MYO7A: variants seen among roughly 807,000 people sequenced by gnomAD.
The protein encoded by MYO7A is myosin VIIA.
In MYO7A, 210 loss-of-function variants were observed where a neutral mutation model predicts 263.8. The observed-to-expected ratio is 0.80, with a 90% CI of 0.71 to 0.89. MYO7A has a LOEUF of 0.89. Among genes scored for constraint, MYO7A ranks in the 40% least tolerant of loss-of-function variants. The pLI, the probability that MYO7A is intolerant of heterozygous loss-of-function variation, is 0.00. For missense variants in MYO7A, 2,820 were observed against 2,968.3 expected, an observed-to-expected ratio of 0.95 and a Z score of 1.16; for synonymous variants, 1,239 against 1,197.3, an observed-to-expected ratio of 1.03 and a Z score of -0.72.
intron 14 of MYO7A, 58 bp from the exon 15 acceptor site, chr11:77,165,998 G>C: frequency 7.8e-7 from 1 of 1,279,372 alleles, no homozygotes; most frequent in Non-Finnish European, 1.1e-6. Flanking sequence ...CAGATGTTAT[G>C]GGTTTGGGGA....
In MYO7A at chr11:77,199,671, A is replaced by G. The variant is rs1217590794; in HGVS notation, c.4705A>G (p.Ser1569Gly). The change falls in exon 35 of 49, where the codon AGC (serine) becomes GGC (glycine). Residue 1569 changes from serine (S) to glycine (G), a missense_variant. Coordinates refer to ENST00000409709, the MANE Select transcript of MYO7A (RefSeq NM_000260.4). ...CAGGGGAGCGAAAACGACGGCCCCC[A>G]GCTTCACGCTGGCCACCATCAAGGG... ...SCRGAKTTAP[S>G]FTLATIKGDE... The G allele has an allele frequency of 1.2e-6, 2 of 1,613,192 alleles. No homozygotes were observed. Among genetic ancestry groups the G allele is most frequent in the East Asian group, 4.5e-5 (2 of 44,882 alleles).
chr11:77,185,694 G>C (rs577790401), intron 27 of MYO7A, among the ~76,000 whole-genome samples: 2 of 152,220 alleles, frequency 1.3e-5, no homozygotes, highest in Admixed American at 1.3e-4. Context: ...CTCCTTCTAC[G>C]AATCATGAAT....
At chr11:77,206,704 G>T (rs1957465798) in intron 41 of MYO7A, among the ~76,000 whole-genome samples, 1 of 152,142 alleles carries the variant, frequency 6.6e-6, no homozygotes, top group Non-Finnish European at 1.5e-5. Flanking sequence ...TGCCCCTCAT[G>T]GTCCCCAGCC....
chr11:77,164,209 G>T (rs555438747), intron 14 of MYO7A, among the ~76,000 whole-genome samples: 2 of 152,102 alleles, frequency 1.3e-5, no homozygotes, highest in Admixed American at 1.3e-4. Context: ...GAATTCTTAA[G>T]GGTTTGTCAA....
chr11:77,189,688 T>C (rs1360993580), intron 28 of MYO7A, among the ~76,000 whole-genome samples: 2 of 152,036 alleles, frequency 1.3e-5, no homozygotes, highest in Non-Finnish European at 2.9e-5. Context: ...GGGGGCTGAG[T>C]CTGACAGGAG....
chr11:77,201,674 G>A (rs1957073777), intron 36 of MYO7A, 36 bp downstream of exon 36: 5 of 1,597,982 alleles, frequency 3.1e-6, no homozygotes, highest in Non-Finnish European at 3.4e-6. Context: ...GGTGGGAGGT[G>A]CCATTAGACC....
intron 30 of MYO7A, among the ~76,000 whole-genome samples, chr11:77,191,645 G>C: frequency 6.6e-6 from 1 of 152,158 alleles, no homozygotes; most frequent in Non-Finnish European, 1.5e-5. Context: ...GCGGGACCTG[G>C]GGCTTGGGTG....
chr11:77,160,415 G>A (rs1952887869), intron 11 of MYO7A, 133 bp downstream of exon 11: 1 of 1,332,812 alleles, frequency 7.5e-7, no homozygotes, highest in Non-Finnish European at 1.0e-6. Flanking sequence ...CGGGGCTGCA[G>A]TCGGCCTTCC....
chr11:77,198,420 TG>T, intron 33 of MYO7A, 74 bp from the exon 34 acceptor site: 1 of 1,572,684 alleles, frequency 6.4e-7, no homozygotes, highest in South Asian at 1.1e-5. Context: ...GCCACCTGCC[TG>T]GCCGTTATGA....
At chr11:77,133,562 C>A (rs1025280108) in intron 2 of MYO7A, among the ~76,000 whole-genome samples, 16 of 152,192 alleles carry the variant, frequency 1.1e-4, no homozygotes, top group African/African-American at 3.6e-4. Flanking sequence ...GCATGGAATA[C>A]TATTTGCATG....
chr11:77,166,592 A>G (rs1278979987), intron 15 of MYO7A, among the ~76,000 whole-genome samples: 3 of 152,202 alleles, frequency 2.0e-5, no homozygotes, highest in African/African-American at 4.8e-5. Context: ...CAGTGGGAGA[A>G]CAGCCCCCTC....
chr11:77,199,443 C>A, intron 34 of MYO7A, 92 bp from the exon 35 acceptor site: 1 of 1,347,366 alleles, frequency 7.4e-7, no homozygotes. Flanking sequence ...CTGGCCAGGC[C>A]AGCTCTGACT....
In MYO7A at chr11:77,211,818, T is replaced by A; in HGVS notation, c.6238-3T>A. The A allele has an allele frequency of 6.2e-7, 1 of 1,612,952 alleles. No individual in the cohort carries two copies. ...CCCAGCCCTGACCGCCCTGTCCCCA[T>A]AGTCCATCGTCGCCTACTTCAACAA... On this transcript the variant is annotated splice_polypyrimidine_tract_variant and splice_region_variant and intron_variant, in intron 45 of 48. Coordinates refer to ENST00000409709, the MANE Select transcript of MYO7A (RefSeq NM_000260.4).
chr11:77,152,435 A>G (rs1952052950), intron 4 of MYO7A, among the ~76,000 whole-genome samples: 1 of 152,220 alleles, frequency 6.6e-6, no homozygotes, highest in Non-Finnish European at 1.5e-5. Context: ...CACAGGGGAC[A>G]ACAGCCTGGC....
Position 77,183,090 on chromosome 11 carries a change from A to C in MYO7A, c.3308A>C (p.Lys1103Thr). The C allele has an allele frequency of 6.4e-7, 1 of 1,551,760 alleles. No homozygotes were observed. The highest frequency in any genetic ancestry group is 8.7e-7 in the Non-Finnish European group (1 of 1,147,322). ...CAGGCCCAGCTCCCCGAGGGCCAGAAGAAGAGCAGTGTGAGGCACAAGCTG... is the reference window on the plus strand; with the variant it reads ...CAGGCCCAGCTCCCCGAGGGCCAGACGAAGAGCAGTGTGAGGCACAAGCTG... ...EGEAQLPEGQ[K>T]KSSVRHKLVH... The change falls in exon 26 of 49, where the codon AAG becomes ACG. Residue 1103 changes from lysine to threonine, a missense_variant. Transcript: ENST00000409709.
chr11:77,182,691 A>G (rs1955348849), intron 25 of MYO7A, 91 bp downstream of exon 25: 3 of 1,411,412 alleles, frequency 2.1e-6, no homozygotes, highest in South Asian at 1.3e-5. Context: ...CTGCAGAAAA[A>G]GGATCCTATA....
rs1302521162 is a variant in MYO7A, at chr11:77,193,049, GTGGTGA to G, written c.4152+777_4152+782del. The stretch of plus-strand genomic sequence containing the variant: ...GATGGTGTTGTTGGTGATGGTGGAG[GTGGTGA>G]TGGTGTTGGTGATGGTGGAGGTAGT... On this transcript the variant is annotated intron_variant, in intron 31 of 48. Coordinates refer to ENST00000409709, the MANE Select transcript of MYO7A (RefSeq NM_000260.4). Among the ~76,000 whole-genome samples, 44 of 143,560 alleles carry G rather than the reference GTGGTGA, an allele frequency of 3.1e-4. 5 individuals carry two copies. Among genetic ancestry groups the G allele is most frequent in the African/African-American group, 1.1e-3 (43 of 39,458 alleles). The allele number at this position is 143,560 out of a possible 152,430, so 94.2% of individuals were successfully genotyped here. A position where few individuals can be genotyped will look rare whatever the true frequency, so the allele number is the denominator to read the frequency against.
rs1555084348 is a variant in MYO7A, at chr11:77,181,578, A to G, written c.2893A>G (p.Ser965Gly). Residue 965 changes from serine (S) to glycine (G), a missense_variant, in exon 23 of 49, where the codon AGT (serine) becomes GGT (glycine). Transcript: ENST00000409709. ...GLPGQEGQAP[S>G]GFEDLERGRR... ...GCCAGGCCAGGAGGGCCAGGCACCT[A>G]GTGGCTTTGAGGTACCAGGCTAGGG... 6.2e-7 allele frequency: 1 copy of G among 1,613,040 alleles called. No homozygotes were observed. The highest frequency in any genetic ancestry group is 8.5e-7 in the Non-Finnish European group (1 of 1,179,804).
intron 26 of MYO7A, among the ~76,000 whole-genome samples, chr11:77,183,933 G>A (rs1254178437): frequency 6.6e-6 from 1 of 152,104 alleles, no homozygotes; most frequent in African/African-American, 2.4e-5. Flanking sequence ...GGGACCCAGG[G>A]AAGAAAATGC....
Sources: gnomAD v4.1 joint callset for allele counts (sites outside exome capture counted in the v4.1 genomes callset) on GRCh38, gnomAD v4.1.1 for gene constraint, MANE v1.5 for transcripts, NCBI Gene and HGNC (gene_info 2026-07-23, HGNC 2026-07-21) for gene names.